The following RSPH14 variants were observed in gnomAD, a reference collection of about 807,000 sequenced individuals.
The protein encoded by RSPH14 is radial spoke head 14 homolog, also known as rhabdoid tumor deletion region gene 1.
A neutral mutation model predicts 26.7 loss-of-function variants in RSPH14; 20 were observed. The observed-to-expected ratio is 0.75, with a 90% CI of 0.53 to 1.09. RSPH14 has a LOEUF of 1.09. Ranked by LOEUF, RSPH14 falls within the 50% of genes least tolerant of loss-of-function variation. The probability of loss-of-function intolerance (pLI) is 0.00; values close to 1 mark genes in which losing one functional copy is unlikely to be tolerated. For missense variants in RSPH14, 449 were observed against 457.2 expected, an observed-to-expected ratio of 0.98 and a Z score of 0.16; for synonymous variants, 177 against 189.3, an observed-to-expected ratio of 0.93 and a Z score of 0.53.
chr22:23,067,209 G>T (rs923719561), intron 4 of RSPH14, among the ~76,000 whole-genome samples: 16 of 152,116 alleles, frequency 1.1e-4, no homozygotes, highest in African/African-American at 3.6e-4. Context: ...GTGGAGTCTG[G>T]GTCATTTTCT....
At chr22:23,079,362 A>T (rs1351528990) in intron 4 of RSPH14, among the ~76,000 whole-genome samples, 1 of 152,204 alleles carries the variant, frequency 6.6e-6, no homozygotes, top group African/African-American at 2.4e-5. Context: ...TTCTGGACAA[A>T]GAGTTTTCCA....
intron 4 of RSPH14, among the ~76,000 whole-genome samples, chr22:23,107,728 T>C (rs2069524874): frequency 6.6e-6 from 1 of 151,820 alleles, no homozygotes; most frequent in African/African-American, 2.4e-5. Flanking sequence ...CCCCAGGGGG[T>C]TGGCCGCAGG....
At chr22:23,125,109 G>T (rs2070146213) in intron 4 of RSPH14, 1 of 152,140 alleles carries the variant, frequency 6.6e-6, no homozygotes. Context: ...GGGCAGCCGG[G>T]GACACCTCCA....
At chr22:23,140,160 A>G in intron 2 of RSPH14, 62 bp downstream of exon 2, 1 of 1,597,506 alleles carries the variant, frequency 6.3e-7, no homozygotes, top group Non-Finnish European at 8.5e-7. Context: ...CTGAAGTTCT[A>G]CCCAGTGCCT....
At position 23,134,657 on chromosome 22, in the gene RSPH14, G is replaced by C. The variant is rs190015616; in HGVS notation, c.303-513C>G. 5.3e-4 allele frequency among the ~76,000 whole-genome samples: 81 copies of C among 151,846 alleles called. 1 individual carries two copies. Among genetic ancestry groups the C allele is most frequent in the Non-Finnish European group, 3.4e-4 (23 of 68,016 alleles). On this transcript the variant is annotated intron_variant, in intron 3 of 6. Transcript: ENST00000216036. The stretch of plus-strand genomic sequence containing the variant: ...AGGCGGATAGATGACTTGAGGTCAG[G>C]AGTTCGAGACCAGCCTGGCCAACAT...
chr22:23,149,581 AAGTTGGAGTGC>A (rs1355024719), upstream of RSPH14, among the ~76,000 whole-genome samples: 6 of 152,226 alleles, frequency 3.9e-5, no homozygotes, highest in Non-Finnish European at 7.4e-5. Context: ...TCTGTCACCC[AAGTTGGAGTGC>A]AGTGGCATGA....
intron 4 of RSPH14, among the ~76,000 whole-genome samples, chr22:23,087,078 C>A (rs1315078594): frequency 6.6e-6 from 1 of 152,194 alleles, no homozygotes; most frequent in African/African-American, 2.4e-5. Flanking sequence ...GCCACAGGCA[C>A]AGGCTTTTCC....
At chr22:23,086,405 C>A (rs2068821899) in intron 4 of RSPH14, among the ~76,000 whole-genome samples, 1 of 152,260 alleles carries the variant, frequency 6.6e-6, no homozygotes, top group African/African-American at 2.4e-5. Flanking sequence ...AAGCACTCGG[C>A]CCAGCAGTGG....
chr22:23,155,162 T>G, the RSPH14 span, among the ~76,000 whole-genome samples: 1 of 152,152 alleles, frequency 6.6e-6, no homozygotes, highest in Non-Finnish European at 1.5e-5. Context: ...AGATGTCTTG[T>G]TTGTGACTTG....
chr22:23,081,040 C>T (rs2068662995), intron 4 of RSPH14, among the ~76,000 whole-genome samples: 1 of 152,166 alleles, frequency 6.6e-6, no homozygotes, highest in African/African-American at 2.4e-5. Flanking sequence ...GTAATCACAG[C>T]CTGGAATACT....
intron 4 of RSPH14, among the ~76,000 whole-genome samples, chr22:23,114,180 G>T (rs143841975): frequency 5.1e-4 from 78 of 152,354 alleles, no homozygotes; most frequent in African/African-American, 1.8e-3. Flanking sequence ...TGGCCGCAGG[G>T]CTGGCCTGTC....
chr22:23,133,878 A>T lies in RSPH14; in HGVS notation c.421+148T>A, dbSNP rs142767414. 2.2e-3 allele frequency: 1,319 copies of T among 593,234 alleles called. 20 individuals carry two copies. The African/African-American group carries it at 0.022, about 10-fold the overall frequency. The allele number at this position is 593,234 out of a possible 1,614,324, so 36.7% of individuals were successfully genotyped here. A position where few individuals can be genotyped will look rare whatever the true frequency, so the allele number is the denominator to read the frequency against. Reference sequence around the variant, plus strand: ...GCTGGGATTACAGGTGTGAGCCACCACACCCAGCGGATATGTGCTTTTCTA... The same window carrying T: ...GCTGGGATTACAGGTGTGAGCCACCTCACCCAGCGGATATGTGCTTTTCTA... On this transcript the variant is annotated intron_variant, in intron 4 of 6. Coordinates refer to ENST00000216036, the MANE Select transcript of RSPH14 (RefSeq NM_014433.3).
At chr22:23,170,732 AAAAT>A in the RSPH14 span, among the ~76,000 whole-genome samples, 18 of 151,842 alleles carry the variant, frequency 1.2e-4, no homozygotes, top group African/African-American at 2.4e-4. Flanking sequence ...ACTCCACCTC[AAAAT>A]AAATAAATAA....
intron 4 of RSPH14, among the ~76,000 whole-genome samples, chr22:23,111,632 G>C (rs765869540): frequency 2.0e-5 from 3 of 152,254 alleles, no homozygotes; most frequent in Non-Finnish European, 4.4e-5. Context: ...TACTGAGGCA[G>C]GAGCTGCGGC....
At chr22:23,105,267 G>A (rs1396289411) in intron 4 of RSPH14, among the ~76,000 whole-genome samples, 1 of 152,244 alleles carries the variant, frequency 6.6e-6, no homozygotes, top group Non-Finnish European at 1.5e-5. Context: ...TGGCTCAGCT[G>A]GAGGAGTGAC....
chr22:23,163,347 A>T, the RSPH14 span: 1 of 152,694 alleles, frequency 6.5e-6, no homozygotes, highest in African/African-American at 2.4e-5. Flanking sequence ...CTCCTGCCTC[A>T]GCCTCCCGAG....
At chr22:23,124,196 T>G (rs953787752) in intron 4 of RSPH14, 49 of 180,122 alleles carry the variant, frequency 2.7e-4, no homozygotes, top group East Asian at 6.1e-4. Context: ...TGACATTTTT[T>G]TTTTGTTTTG....
At position 23,137,240 on chromosome 22, in the gene RSPH14, G is replaced by A. The variant is rs1183467602; in HGVS notation, c.302+1600C>T. ...CCTGAGTAGCTGGGACTACAGGCATGTGTCATCATGCTCAGCTAATTTTTG... is the reference window on the plus strand; with the variant it reads ...CCTGAGTAGCTGGGACTACAGGCATATGTCATCATGCTCAGCTAATTTTTG... On this transcript the variant is annotated intron_variant, in intron 3 of 6. Coordinates refer to ENST00000216036, the MANE Select transcript of RSPH14 (RefSeq NM_014433.3). Among the ~76,000 whole-genome samples the A allele has an allele frequency of 1.4e-5, 2 of 138,342 alleles. 1 individual carries two copies. Among genetic ancestry groups the A allele is most frequent in the East Asian group, 4.5e-4 (2 of 4,404 alleles). The allele number at this position is 138,342 out of a possible 152,430, so 90.8% of individuals were successfully genotyped here.
chr22:23,142,499 A>G (rs1569199074), upstream of RSPH14, among the ~76,000 whole-genome samples: 1 of 152,120 alleles, frequency 6.6e-6, no homozygotes, highest in South Asian at 2.1e-4. Context: ...CATCACACCC[A>G]GCTAATTTTT....
Sources: allele counts gnomAD v4.1 joint callset (sites outside exome capture counted in the v4.1 genomes callset), GRCh38; gene constraint gnomAD v4.1.1; transcripts MANE v1.5; gene names NCBI Gene and HGNC (gene_info 2026-07-23, HGNC 2026-07-21).